The following KCNT2 variants were observed in gnomAD, a reference collection of about 807,000 sequenced individuals.
KCNT2 encodes the protein potassium channel subfamily T member 2.
Under a neutral mutation model 153.8 loss-of-function variants are expected in KCNT2, and 67 were observed. The ratio of observed to expected loss-of-function variants is 0.44; its 90% CI spans 0.36 to 0.53. KCNT2 has a LOEUF of 0.53. Among genes scored for constraint, KCNT2 ranks in the 20% least tolerant of loss-of-function variants. KCNT2 has a pLI of 0.00. For synonymous variants in KCNT2, 500 were observed against 458.8 expected (o/e 1.09, Z -1.15); for missense variants, 975 against 1,354.8 (o/e 0.72, Z 4.40).
rs141918721 is a variant in KCNT2, at chr1:196,514,469, C to T, written c.96-22128G>A. Among the ~76,000 whole-genome samples the T allele has an allele frequency of 1.5e-4, 23 of 152,230 alleles. 1 individual carries two copies. The highest frequency in any genetic ancestry group is 2.2e-4 in the African/African-American group (9 of 41,548). On this transcript the variant is annotated intron_variant, in intron 1 of 27. Coordinates refer to ENST00000294725, the MANE Select transcript of KCNT2 (RefSeq NM_198503.5). The stretch of plus-strand genomic sequence containing the variant: ...TCAGTAGTAGTATCACTATGTTCTT[C>T]TATGTGGGGAAAACACCACTGAAAA...
chr1:196,316,040 C>A lies in KCNT2; in HGVS notation c.2349-14G>T. 1 of 1,606,950 alleles carries A rather than the reference C, an allele frequency of 6.2e-7. No homozygotes were observed. Among genetic ancestry groups the A allele is most frequent in the Non-Finnish European group, 8.5e-7 (1 of 1,175,530 alleles). ...AAGTCATCTAGGCTTTGATAAAAATCAACAGAGAAAAACAAACATTAAATA... is the reference window on the plus strand; with the variant it reads ...AAGTCATCTAGGCTTTGATAAAAATAAACAGAGAAAAACAAACATTAAATA... On this transcript the variant is annotated splice_polypyrimidine_tract_variant and intron_variant, in intron 20 of 27. Coordinates refer to ENST00000294725, the MANE Select transcript of KCNT2 (RefSeq NM_198503.5).
chr1:196,447,967 T>C (rs1479280751), intron 8 of KCNT2, among the ~76,000 whole-genome samples: 2 of 151,204 alleles, frequency 1.3e-5, no homozygotes, highest in African/African-American at 4.8e-5. Flanking sequence ...TTAGGAAAAG[T>C]TAAATGAAAG....
chr1:196,428,891 A>T (rs1673887524), intron 9 of KCNT2, among the ~76,000 whole-genome samples: 1 of 152,134 alleles, frequency 6.6e-6, no homozygotes. Context: ...GGCTTATTAT[A>T]GGAAAGAGTT....
intron 22 of KCNT2, among the ~76,000 whole-genome samples, chr1:196,295,127 AAT>A (rs1225929083): frequency 1.3e-5 from 2 of 151,562 alleles, no homozygotes; most frequent in African/African-American, 4.8e-5. Context: ...ACACATTGTA[AAT>A]ATATATATGT....
Position 196,226,981 on chromosome 1 carries a change from AG to A in KCNT2, c.*1242del, listed in dbSNP as rs1653537936. On this transcript the variant is annotated 3_prime_UTR_variant, in exon 28 of 28. Transcript: ENST00000294725. ...TTGTGCTCTTTTGATCTATTTCTCT[AG>A]GGGGAAAATGCAATACAGGTAAAAA... The A allele has an allele frequency of 6.6e-6, 1 of 151,978 alleles. No individual in the cohort carries two copies. The highest frequency in any genetic ancestry group is 2.1e-4 in the South Asian group (1 of 4,832). 9.4% of individuals were successfully genotyped at this position (151,978 alleles called of 1,614,324 possible).
At chr1:196,326,575 G>GA in intron 19 of KCNT2, 142 bp downstream of exon 19, 1 of 476,604 alleles carries the variant, frequency 2.1e-6, no homozygotes, top group South Asian at 4.5e-5. Flanking sequence ...TCACAGCACA[G>GA]AATATATCTC....
intron 22 of KCNT2, among the ~76,000 whole-genome samples, chr1:196,288,232 G>T (rs1185804368): frequency 6.6e-6 from 1 of 152,056 alleles, no homozygotes; most frequent in African/African-American, 2.4e-5. Context: ...GAATGGAGAG[G>T]TCAGAAATGA....
chr1:196,260,952 G>A (rs925140972), intron 25 of KCNT2, among the ~76,000 whole-genome samples: 13 of 151,762 alleles, frequency 8.6e-5, no homozygotes, highest in South Asian at 2.1e-4. Flanking sequence ...ATATATCCTT[G>A]TAAAATGATC....
chr1:196,311,180 T>A (rs1326422428), intron 21 of KCNT2, among the ~76,000 whole-genome samples: 1 of 151,882 alleles, frequency 6.6e-6, no homozygotes, highest in East Asian at 1.9e-4. Context: ...GCCACAGTTA[T>A]AATTCTCTAA....
rs533230418 is a variant in KCNT2 at position 196,334,487 on chromosome 1, C to CTTTTTTT, written c.1784-434_1784-428dup. 1.8e-4 allele frequency among the ~76,000 whole-genome samples: 16 copies of CTTTTTTT among 87,278 alleles called. 2 individuals are homozygous for CTTTTTTT. The highest frequency in any genetic ancestry group is 3.1e-4 in the African/African-American group (7 of 22,938). The allele number at this position is 87,278 out of a possible 152,430, so 57.3% of individuals were successfully genotyped here. On this transcript the variant is annotated intron_variant, in intron 16 of 27. Transcript: ENST00000294725. ...TTTTCTTTTATTTCTTTCTTTCTTT[C>CTTTTTTT]TTTTTTTTTTTTAAGACAGAGTCTC...
chr1:196,584,354 C>A (rs1184701398), intron 1 of KCNT2, among the ~76,000 whole-genome samples: 1 of 151,964 alleles, frequency 6.6e-6, no homozygotes, highest in Non-Finnish European at 1.5e-5. Flanking sequence ...AGGGGTAACA[C>A]ATTTCCAAAC....
At chr1:196,369,163 T>G (rs150903396) in intron 14 of KCNT2, among the ~76,000 whole-genome samples, 1 of 152,138 alleles carries the variant, frequency 6.6e-6, no homozygotes, top group African/African-American at 2.4e-5. Context: ...AGAAAATGAA[T>G]TGCTAAATTT....
intron 3 of KCNT2, among the ~76,000 whole-genome samples, chr1:196,486,905 A>G (rs771196340): frequency 2.0e-4 from 31 of 151,974 alleles, no homozygotes; most frequent in Non-Finnish European, 3.7e-4. Context: ...ATATGAAAGC[A>G]TATGAGTCTT....
At chr1:196,530,505 AC>A (rs951956264) in intron 1 of KCNT2, among the ~76,000 whole-genome samples, 1 of 152,028 alleles carries the variant, frequency 6.6e-6, no homozygotes, top group Non-Finnish European at 1.5e-5. Flanking sequence ...ATATAAACAA[AC>A]AAAAAATAGG....
intron 25 of KCNT2, among the ~76,000 whole-genome samples, chr1:196,262,891 T>C (rs550296133): frequency 6.0e-4 from 91 of 152,204 alleles, no homozygotes; most frequent in Admixed American, 2.6e-3. Context: ...AAGCAAATCA[T>C]TGAGATTCTT....
intron 14 of KCNT2, among the ~76,000 whole-genome samples, chr1:196,346,664 T>TA (rs1472080268): frequency 6.6e-6 from 1 of 152,138 alleles, no homozygotes; most frequent in Non-Finnish European, 1.5e-5. Flanking sequence ...TTATCTATTT[T>TA]AAAAAAGAAT....
intron 16 of KCNT2, among the ~76,000 whole-genome samples, chr1:196,339,451 G>T (rs1665376881): frequency 6.6e-6 from 1 of 151,394 alleles, no homozygotes; most frequent in Non-Finnish European, 1.5e-5. Context: ...CTCTGAAGTT[G>T]TTATCATGGA....
intron 4 of KCNT2, among the ~76,000 whole-genome samples, chr1:196,479,489 T>C (rs986357857): frequency 1.5e-5 from 2 of 136,960 alleles, no homozygotes; most frequent in African/African-American, 5.2e-5. Context: ...TTAGTTATTA[T>C]TCAAAATGTA....
chr1:196,554,925 T>C (rs1202342301), intron 1 of KCNT2, among the ~76,000 whole-genome samples: 2 of 151,232 alleles, frequency 1.3e-5, no homozygotes, highest in South Asian at 2.1e-4. Flanking sequence ...TAGCACTGGA[T>C]AAAGTTCAAC....
Sources: allele counts gnomAD v4.1 joint callset (sites outside exome capture counted in the v4.1 genomes callset), GRCh38; gene constraint gnomAD v4.1.1; transcripts MANE v1.5; gene names NCBI Gene and HGNC (gene_info 2026-07-23, HGNC 2026-07-21).